TUT4: variants seen among roughly 807,000 people sequenced by gnomAD.
TUT4 encodes terminal uridylyl transferase 4, also known as terminal uridylyltransferase 4.
A neutral mutation model predicts 192.2 loss-of-function variants in TUT4; 36 were observed. That is an observed-to-expected ratio of 0.19 (90% CI 0.14 to 0.25). The LOEUF (loss-of-function observed/expected upper bound fraction) is 0.25, where lower values mean the gene tolerates loss of function less well. Among genes scored for constraint, TUT4 ranks in the 10% least tolerant of loss-of-function variants. The probability of loss-of-function intolerance (pLI) is 1.00; values close to 1 mark genes in which losing one functional copy is unlikely to be tolerated. For synonymous variants in TUT4, 618 were observed against 666.0 expected, an observed-to-expected ratio of 0.93 and a Z score of 1.11; for missense variants, 1,493 against 1,957.2, an observed-to-expected ratio of 0.76 and a Z score of 4.47.
intron 16 of TUT4, chr1:52,463,484 C>G (rs774066946): frequency 9.5e-7 from 1 of 1,049,102 alleles, no homozygotes; most frequent in African/African-American, 1.7e-5. Context: ...TCAAAACCAC[C>G]GTTCAAAAGA....
Position 52,538,841 on chromosome 1 carries a change from T to A in TUT4, c.-93-12468A>T, listed in dbSNP as rs905377260. On this transcript the variant is annotated intron_variant, in intron 1 of 29. Coordinates refer to ENST00000257177, the MANE Select transcript of TUT4 (RefSeq NM_001009881.3). Reference sequence around the variant, plus strand: ...CAATTCATATCTCCTTTTCCTTTCATTCCTGCCTTACTTACCACCAAGTTA... The same window carrying A: ...CAATTCATATCTCCTTTTCCTTTCAATCCTGCCTTACTTACCACCAAGTTA... Among the ~76,000 whole-genome samples, 10 of 152,158 alleles carry A rather than the reference T, an allele frequency of 6.6e-5. No individual in the cohort carries two copies. In the East Asian group the frequency reaches 1.9e-3, roughly 29 times the overall value.
chr1:52,513,980 A>C (rs1189746687), intron 3 of TUT4, among the ~76,000 whole-genome samples: 1 of 152,242 alleles, frequency 6.6e-6, no homozygotes, highest in East Asian at 1.9e-4. Flanking sequence ...TACTAAATAA[A>C]GATGAACAGA....
At chr1:52,451,041 G>A (rs976586668) in intron 20 of TUT4, among the ~76,000 whole-genome samples, 4 of 152,214 alleles carry the variant, frequency 2.6e-5, no homozygotes, top group South Asian at 2.1e-4. Context: ...CCAGGTGGGC[G>A]GGTCACAAGG....
intron 28 of TUT4, among the ~76,000 whole-genome samples, chr1:52,425,902 T>C (rs781165236): frequency 4.6e-5 from 7 of 151,934 alleles, no homozygotes; most frequent in Non-Finnish European, 7.4e-5. Context: ...AGGAGTATCA[T>C]GTACAAAAGC....
intron 3 of TUT4, among the ~76,000 whole-genome samples, chr1:52,510,077 C>T (rs1351085092): frequency 2.0e-5 from 3 of 151,798 alleles, no homozygotes; most frequent in Non-Finnish European, 4.4e-5. Flanking sequence ...TTTGGGAGGA[C>T]GACGCTGGCA....
At chr1:52,550,263 G>C (rs951087427) in intron 1 of TUT4, among the ~76,000 whole-genome samples, 2 of 152,034 alleles carry the variant, frequency 1.3e-5, no homozygotes, top group African/African-American at 4.8e-5. Context: ...ATAACAAAAA[G>C]TCTACATATC....
chr1:52,496,487 A>C (rs1672468886), intron 5 of TUT4, among the ~76,000 whole-genome samples: 1 of 152,172 alleles, frequency 6.6e-6, no homozygotes, highest in Non-Finnish European at 1.5e-5. Context: ...AATAAGTCTT[A>C]CGTCAGATAC....
intron 4 of TUT4, among the ~76,000 whole-genome samples, chr1:52,502,670 G>A (rs982138270): frequency 2.3e-5 from 3 of 132,420 alleles, no homozygotes; most frequent in African/African-American, 3.1e-5. Context: ...CCAGGTTGGC[G>A]TGGCGTGCAA....
intron 2 of TUT4, 148 bp downstream of exon 2, chr1:52,525,415 G>A: frequency 9.7e-7 from 1 of 1,035,814 alleles, no homozygotes; most frequent in Non-Finnish European, 1.3e-6. Flanking sequence ...AACCATTAAT[G>A]CAAGTATTAT....
At chr1:52,449,678 A>G (rs1658777873) in intron 20 of TUT4, among the ~76,000 whole-genome samples, 1 of 152,216 alleles carries the variant, frequency 6.6e-6, no homozygotes, top group African/African-American at 2.4e-5. Flanking sequence ...CTGCGGCCTA[A>G]GTATAGTCAT....
chr1:52,526,342 A>C lies in TUT4; in HGVS notation c.-62T>G, dbSNP rs1681744004. On this transcript the variant is annotated 5_prime_UTR_variant, in exon 2 of 30. Transcript: ENST00000257177. The stretch of plus-strand genomic sequence containing the variant: ...TAAAATGGCAGATCTCCAGTAGTTT[A>C]AATTGCTTCAAGTCCAGTTTAGGCA... 1 of 1,360,338 alleles carries C rather than the reference A, an allele frequency of 7.4e-7. No individual in the cohort carries two copies. Among genetic ancestry groups the C allele is most frequent in the Admixed American group, 3.0e-5 (1 of 33,436 alleles). The allele number at this position is 1,360,338 out of a possible 1,614,324, so 84.3% of individuals were successfully genotyped here. A position where few individuals can be genotyped will look rare whatever the true frequency, so the allele number is the denominator to read the frequency against.
intron 4 of TUT4, among the ~76,000 whole-genome samples, chr1:52,501,189 A>C (rs1673985770): frequency 6.6e-6 from 1 of 152,212 alleles, no homozygotes; most frequent in Non-Finnish European, 1.5e-5. Context: ...ATGGAAGAAC[A>C]TATTTGCAAT....
At chr1:52,510,317 C>CAAAAAAAAAAAAAAAAAAAAAAAAAAAAA (rs200690805) in intron 3 of TUT4, among the ~76,000 whole-genome samples, 1 of 78,628 alleles carries the variant, frequency 1.3e-5, no homozygotes, top group African/African-American at 4.5e-5. Flanking sequence ...TTCGTATTAA[C>CAAAAAAAAAAAAAAAAAAAAAAAAAAAAA]AAAAAAAAAA....
chr1:52,438,672 G>C (rs2148305278), intron 24 of TUT4, among the ~76,000 whole-genome samples: 1 of 152,284 alleles, frequency 6.6e-6, no homozygotes, highest in Admixed American at 6.5e-5. Flanking sequence ...AGAAAAAACA[G>C]GTTAAGTCTC....
intron 1 of TUT4, chr1:52,538,751 A>G (rs1285764325): frequency 6.6e-6 from 1 of 152,152 alleles, no homozygotes; most frequent in Non-Finnish European, 1.5e-5. Flanking sequence ...CCTTACTAAT[A>G]TTACTTCCCT....
intron 11 of TUT4, among the ~76,000 whole-genome samples, chr1:52,478,672 C>A (rs1667711609): frequency 1.3e-5 from 2 of 152,118 alleles, no homozygotes; most frequent in Admixed American, 1.3e-4. Context: ...ATAGTAAGGG[C>A]TACATGCTAA....
At chr1:52,437,470 T>C (rs930814435) in intron 25 of TUT4, 2 of 153,266 alleles carry the variant, frequency 1.3e-5, no homozygotes, top group Non-Finnish European at 2.9e-5. Context: ...GTATAGAAGA[T>C]GTACATTCCC....
intron 16 of TUT4, among the ~76,000 whole-genome samples, chr1:52,464,716 A>G (rs1663631655): frequency 6.6e-6 from 1 of 152,220 alleles, no homozygotes. Flanking sequence ...GAGATATGAG[A>G]AGACAAAGTA....
intron 29 of TUT4, chr1:52,425,132 T>C: frequency 2.4e-6 from 1 of 424,952 alleles, no homozygotes; most frequent in East Asian, 3.8e-5. Context: ...AAACTCCTTT[T>C]CTATTTAACA....
Sources: allele counts gnomAD v4.1 joint callset (sites outside exome capture counted in the v4.1 genomes callset), GRCh38; gene constraint gnomAD v4.1.1; transcripts MANE v1.5; gene names NCBI Gene and HGNC (gene_info 2026-07-23, HGNC 2026-07-21).